The following ANKS1B variants were observed in gnomAD, a reference collection of about 807,000 sequenced individuals.
The protein encoded by ANKS1B is ankyrin repeat and sterile alpha motif domain containing 1B, also known as ankyrin repeat and sterile alpha motif domain-containing protein 1B.
In ANKS1B, 36 loss-of-function variants were observed where a neutral mutation model predicts 148.3. The ratio of observed to expected loss-of-function variants is 0.24; its 90% CI spans 0.19 to 0.32. The LOEUF (loss-of-function observed/expected upper bound fraction) is 0.32, where lower values mean the gene tolerates loss of function less well. Among genes scored for constraint, ANKS1B ranks in the 10% least tolerant of loss-of-function variants. ANKS1B has a pLI of 1.00. For missense variants in ANKS1B, 1,157 were observed against 1,542.6 expected (o/e 0.75, Z 4.19); for synonymous variants, 542 against 560.8 (o/e 0.97, Z 0.47).
rs141358406 is a variant in ANKS1B at position 99,386,793 on chromosome 12, A to T, written c.1756+12838T>A. Among the ~76,000 whole-genome samples the T allele has an allele frequency of 2.6e-5, 4 of 152,348 alleles. No individual in the cohort carries two copies. The East Asian group carries it at 7.7e-4, about 29-fold the overall frequency. On this transcript the variant is annotated intron_variant, in intron 12 of 26. Coordinates refer to ENST00000683438, the MANE Select transcript of ANKS1B (RefSeq NM_001352186.2). ...GTAACAAAAACTTACATTAAAAATG[A>T]CATATCTCCCTGAGGCAACTTATGA...
At chr12:99,632,063 A>C (rs923713259) in intron 9 of ANKS1B, among the ~76,000 whole-genome samples, 1 of 152,170 alleles carries the variant, frequency 6.6e-6, no homozygotes, top group Admixed American at 6.5e-5. Context: ...TTCACGGGAC[A>C]GGCCTGGGGT....
intron 22 of ANKS1B, among the ~76,000 whole-genome samples, chr12:98,784,891 T>C (rs2098775846): frequency 6.6e-6 from 1 of 152,178 alleles, no homozygotes; most frequent in Non-Finnish European, 1.5e-5. Flanking sequence ...CCTCTATGAA[T>C]GGCAGTGTTG....
chr12:99,983,246 C>G (rs911046024), intron 1 of ANKS1B, among the ~76,000 whole-genome samples: 2 of 152,152 alleles, frequency 1.3e-5, no homozygotes, highest in African/African-American at 4.8e-5. Context: ...TTCCTCCCTC[C>G]CAGTTGATTT....
intron 11 of ANKS1B, among the ~76,000 whole-genome samples, chr12:99,427,307 CAG>C (rs1236363572): frequency 6.6e-6 from 1 of 152,204 alleles, no homozygotes; most frequent in African/African-American, 2.4e-5. Context: ...TTTCATCTCA[CAG>C]CACTTTGCCC....
At chr12:99,322,768 C>T (rs1208256780) in intron 12 of ANKS1B, among the ~76,000 whole-genome samples, 1 of 152,170 alleles carries the variant, frequency 6.6e-6, no homozygotes, top group African/African-American at 2.4e-5. Context: ...TGAATTGTAG[C>T]TCCCAGAAGT....
chr12:99,754,430 C>A (rs1233606841), intron 8 of ANKS1B, among the ~76,000 whole-genome samples: 3 of 152,086 alleles, frequency 2.0e-5, no homozygotes, highest in Non-Finnish European at 2.9e-5. Context: ...ACTCCACTGA[C>A]AATATGAGAA....
At chr12:98,973,072 A>C (rs2099884816) in intron 17 of ANKS1B, among the ~76,000 whole-genome samples, 1 of 152,252 alleles carries the variant, frequency 6.6e-6, no homozygotes, top group Non-Finnish European at 1.5e-5. Context: ...CAAGACCTTC[A>C]TAGAGCAAAA....
At chr12:99,396,215 A>G (rs1482836278) in intron 12 of ANKS1B, among the ~76,000 whole-genome samples, 2 of 152,162 alleles carry the variant, frequency 1.3e-5, no homozygotes, top group African/African-American at 4.8e-5. Flanking sequence ...GAGCAAATTA[A>G]ATGTCAGAAA....
At chr12:98,840,861 G>C (rs541088703) in intron 17 of ANKS1B, among the ~76,000 whole-genome samples, 97 of 152,190 alleles carry the variant, frequency 6.4e-4, no homozygotes, top group African/African-American at 2.3e-3. Context: ...GAGAAATTTG[G>C]TTTACATTGC....
chr12:99,890,819 G>A (rs2093063484), intron 1 of ANKS1B, among the ~76,000 whole-genome samples: 1 of 152,046 alleles, frequency 6.6e-6, no homozygotes, highest in Non-Finnish European at 1.5e-5. Flanking sequence ...TCCTTTAGTG[G>A]CTGTGGAGAG....
chr12:99,275,706 T>TTAG (rs1259400753), intron 12 of ANKS1B, among the ~76,000 whole-genome samples: 1 of 152,204 alleles, frequency 6.6e-6, no homozygotes, highest in African/African-American at 2.4e-5. Flanking sequence ...ACCTGGCCAC[T>TTAG]TAGTGTCACT....
intron 15 of ANKS1B, among the ~76,000 whole-genome samples, chr12:99,135,559 A>G (rs936479831): frequency 5.3e-5 from 8 of 152,210 alleles, no homozygotes; most frequent in Non-Finnish European, 8.8e-5. Flanking sequence ...CTCCTCATCA[A>G]ACACATCAAA....
intron 22 of ANKS1B, 126 bp downstream of exon 22, chr12:98,798,808 G>A: frequency 5.9e-6 from 4 of 674,024 alleles, no homozygotes; most frequent in Middle Eastern, 2.5e-4. Flanking sequence ...ACCTTTTTAT[G>A]TAATACCAAT....
In ANKS1B at chr12:99,544,124, C is replaced by A. The variant is rs562792829; in HGVS notation, c.1273-39483G>T. On this transcript the variant is annotated intron_variant, in intron 9 of 26. Coordinates refer to ENST00000683438, the MANE Select transcript of ANKS1B (RefSeq NM_001352186.2). ...TAAGAAAAAGAAAAATAATAAAATTCTTTAAAAAAAAACTACCTTGTGTTT... is the reference window on the plus strand; with the variant it reads ...TAAGAAAAAGAAAAATAATAAAATTATTTAAAAAAAAACTACCTTGTGTTT... 3.3e-5 allele frequency among the ~76,000 whole-genome samples: 5 copies of A among 151,886 alleles called. No individual in the cohort carries two copies. In the South Asian group the frequency reaches 1.0e-3, roughly 31 times the overall value.
chr12:98,875,206 A>C (rs1409500318), intron 17 of ANKS1B, among the ~76,000 whole-genome samples: 1 of 152,096 alleles, frequency 6.6e-6, no homozygotes, highest in Non-Finnish European at 1.5e-5. Context: ...CATAGATGCT[A>C]ATTTGGTTCC....
chr12:99,902,667 A>C (rs113954090), intron 1 of ANKS1B, among the ~76,000 whole-genome samples: 9,556 of 152,118 alleles, frequency 0.063, 339 homozygotes, highest in Middle Eastern at 0.16. Flanking sequence ...CTATTGATTG[A>C]GACTACAAAG....
At chr12:99,092,698 G>A (rs926232170) in intron 15 of ANKS1B, among the ~76,000 whole-genome samples, 1 of 152,156 alleles carries the variant, frequency 6.6e-6, no homozygotes, top group African/African-American at 2.4e-5. Context: ...AGATGCTGAT[G>A]CAGAGCTCCA....
At chr12:99,088,556 T>TA (rs1460303774) in intron 15 of ANKS1B, among the ~76,000 whole-genome samples, 17 of 146,746 alleles carry the variant, frequency 1.2e-4, no homozygotes, top group South Asian at 2.1e-4. Context: ...AGAATATATA[T>TA]TTTTTTTTGA....
At chr12:99,240,177 T>C (rs1003603628) in intron 14 of ANKS1B, among the ~76,000 whole-genome samples, 1 of 152,112 alleles carries the variant, frequency 6.6e-6, no homozygotes, top group Non-Finnish European at 1.5e-5. Context: ...ACATCTCACA[T>C]GCAGAGACAC....
Sources: allele counts gnomAD v4.1 joint callset (sites outside exome capture counted in the v4.1 genomes callset), GRCh38; gene constraint gnomAD v4.1.1; transcripts MANE v1.5; gene names NCBI Gene and HGNC (gene_info 2026-07-23, HGNC 2026-07-21).